The following TWSG1 variants were observed in gnomAD, a reference collection of about 807,000 sequenced individuals.
The protein encoded by TWSG1 is twisted gastrulation BMP signaling modulator 1.
Under a neutral mutation model 23.0 loss-of-function variants are expected in TWSG1, and 15 were observed. The observed-to-expected ratio is 0.65, with a 90% confidence interval of 0.44 to 1.00. The LOEUF is 1.00. TWSG1 is among the 50% of genes least tolerant of loss of function. TWSG1 has a pLI of 0.00. For missense variants in TWSG1, 242 were observed against 278.7 expected, an observed-to-expected ratio of 0.87 and a Z score of 0.94; for synonymous variants, 86 against 92.8, an observed-to-expected ratio of 0.93 and a Z score of 0.42.
intron 3 of TWSG1, among the ~76,000 whole-genome samples, chr18:9,368,680 G>T (rs1299881546): frequency 6.6e-6 from 1 of 152,160 alleles, no homozygotes; most frequent in Non-Finnish European, 1.5e-5. Context: ...GGGCACGGCG[G>T]CTCATGCCTG....
At chr18:9,380,513 T>C (rs958861576) in intron 3 of TWSG1, among the ~76,000 whole-genome samples, 1 of 152,254 alleles carries the variant, frequency 6.6e-6, no homozygotes, top group South Asian at 2.1e-4. Context: ...TCTGTAGCCA[T>C]GATAACTGTT....
At chr18:9,347,191 G>C (rs1334065565) in intron 2 of TWSG1, among the ~76,000 whole-genome samples, 2 of 152,014 alleles carry the variant, frequency 1.3e-5, no homozygotes. Flanking sequence ...TTTTATTGTT[G>C]AGGTCTCTGT....
At chr18:9,374,613 A>G (rs750746527) in intron 3 of TWSG1, among the ~76,000 whole-genome samples, 4 of 152,224 alleles carry the variant, frequency 2.6e-5, no homozygotes, top group Non-Finnish European at 5.9e-5. Context: ...AGGAAAAAAT[A>G]CTAAGACTCT....
intron 3 of TWSG1, among the ~76,000 whole-genome samples, chr18:9,389,702 C>T (rs1939713166): frequency 6.6e-6 from 1 of 152,138 alleles, no homozygotes; most frequent in Admixed American, 6.5e-5. Flanking sequence ...TTTATAAAAA[C>T]AGGAATTTAT....
intron 3 of TWSG1, among the ~76,000 whole-genome samples, chr18:9,383,562 A>G (rs1386139617): frequency 1.8e-4 from 28 of 152,182 alleles, no homozygotes; most frequent in Admixed American, 1.8e-3. Context: ...AAGAGAAGAA[A>G]CAAATTAGGA....
intron 3 of TWSG1, among the ~76,000 whole-genome samples, chr18:9,372,472 A>G (rs11878163): frequency 0.35 from 51,306 of 148,486 alleles, 8,971 homozygotes; most frequent in Admixed American, 0.37. Context: ...TCAACCACAG[A>G]TAATTGAAAC....
At chr18:9,339,138 G>A (rs1384664914) in intron 2 of TWSG1, among the ~76,000 whole-genome samples, 2 of 151,958 alleles carry the variant, frequency 1.3e-5, no homozygotes, top group Non-Finnish European at 2.9e-5. Flanking sequence ...CCAGGAGGTT[G>A]AGGCTGCAGT....
chr18:9,396,710 A>G, intron 4 of TWSG1, 164 bp downstream of exon 4: 1 of 828,428 alleles, frequency 1.2e-6, no homozygotes, highest in Non-Finnish European at 1.8e-6. Flanking sequence ...CATCATATCT[A>G]GAGGCACATG....
intron 3 of TWSG1, among the ~76,000 whole-genome samples, chr18:9,387,069 C>T (rs1333547691): frequency 1.3e-5 from 2 of 152,144 alleles, no homozygotes; most frequent in Non-Finnish European, 2.9e-5. Context: ...ATAGCTTTAA[C>T]CAGGAGTTCA....
At chr18:9,375,211 T>A in intron 3 of TWSG1, among the ~76,000 whole-genome samples, 1 of 139,198 alleles carries the variant, frequency 7.2e-6, no homozygotes, top group Admixed American at 7.3e-5. Flanking sequence ...TCTTATCACA[T>A]CAACAAGTTA....
intron 3 of TWSG1, among the ~76,000 whole-genome samples, chr18:9,378,278 G>C (rs1194340321): frequency 6.6e-6 from 1 of 152,172 alleles, no homozygotes; most frequent in Non-Finnish European, 1.5e-5. Flanking sequence ...AATGAGGCAA[G>C]AGAAAGGAAT....
At position 9,355,208 on chromosome 18, in the gene TWSG1, G is replaced by A. The variant is rs958308371; in HGVS notation, c.124-4764G>A. Among the ~76,000 whole-genome samples the A allele has an allele frequency of 1.3e-5, 2 of 152,216 alleles. 1 individual carries two copies. Among genetic ancestry groups the A allele is most frequent in the Non-Finnish European group, 2.9e-5 (2 of 67,998 alleles). On this transcript the variant is annotated intron_variant, in intron 2 of 4. Transcript: ENST00000262120. The stretch of plus-strand genomic sequence containing the variant: ...CCTGACCTTGTGATCCGCCTGCCTT[G>A]GCCTCCCAAAGTGCTGGGATTACAG...
At chr18:9,365,896 CTTG>C (rs2040576444) in intron 3 of TWSG1, among the ~76,000 whole-genome samples, 1 of 151,028 alleles carries the variant, frequency 6.6e-6, no homozygotes, top group African/African-American at 2.4e-5. Flanking sequence ...GTCCTAGCTA[CTTG>C]GAGGGCTGAG....
Position 9,396,265 on chromosome 18 carries a change from T to C in TWSG1, c.224-15T>C. The C allele has an allele frequency of 1.2e-6, 2 of 1,612,032 alleles. No individual in the cohort carries two copies. The highest frequency in any genetic ancestry group is 2.2e-5 in the East Asian group (1 of 44,872). ...CAGTAACTAACAAAATCTTATGATA[T>C]TACCCCCAACCCAGGTATGTGTAAT... On this transcript the variant is annotated splice_polypyrimidine_tract_variant and intron_variant, in intron 3 of 4. Transcript: ENST00000262120.
intron 2 of TWSG1, among the ~76,000 whole-genome samples, chr18:9,351,848 A>G (rs1404670253): frequency 6.6e-6 from 1 of 151,834 alleles, no homozygotes; most frequent in Non-Finnish European, 1.5e-5. Context: ...GTTTCGCTGT[A>G]TTGGCCAGGC....
chr18:9,383,910 T>C (rs891407445), intron 3 of TWSG1, among the ~76,000 whole-genome samples: 1 of 151,910 alleles, frequency 6.6e-6, no homozygotes, highest in Non-Finnish European at 1.5e-5. Flanking sequence ...TACTAGTAAG[T>C]AGGGGAGAAA....
chr18:9,386,863 C>A (rs1398102508), intron 3 of TWSG1, among the ~76,000 whole-genome samples: 2 of 152,208 alleles, frequency 1.3e-5, no homozygotes. Context: ...GGGCCAATGA[C>A]TTAAGTGGTT....
At chr18:9,398,237 T>C (rs917912109) in intron 4 of TWSG1, among the ~76,000 whole-genome samples, 2 of 152,078 alleles carry the variant, frequency 1.3e-5, no homozygotes, top group African/African-American at 4.8e-5. Context: ...ATGTAAGTAA[T>C]CAACATAACA....
intron 3 of TWSG1, among the ~76,000 whole-genome samples, chr18:9,385,469 A>ACC (rs1366189003): frequency 1.3e-4 from 5 of 37,832 alleles, no homozygotes; most frequent in East Asian, 4.0e-4. Context: ...CGGGTGGATC[A>ACC]TGAGGTCAGG....
Sources: gnomAD v4.1 joint callset for allele counts (sites outside exome capture counted in the v4.1 genomes callset) on GRCh38, gnomAD v4.1.1 for gene constraint, MANE v1.5 for transcripts, NCBI Gene and HGNC (gene_info 2026-07-23, HGNC 2026-07-21) for gene names.